Variants in PHLPP1 observed in about 807,000 individuals in gnomAD.
PHLPP1 encodes the protein PH domain and leucine rich repeat protein phosphatase 1.
In PHLPP1, 42 loss-of-function variants were observed where a neutral mutation model predicts 117.2. The ratio of observed to expected loss-of-function variants is 0.36; its 90% CI spans 0.28 to 0.46. The LOEUF (loss-of-function observed/expected upper bound fraction) is 0.46, where lower values mean the gene tolerates loss of function less well. PHLPP1 is among the 20% of genes least tolerant of loss of function. PHLPP1 has a pLI of 1.00. For missense variants in PHLPP1, 2,084 were observed against 2,241.9 expected (o/e 0.93, Z 1.42); for synonymous variants, 1,042 against 970.7 (o/e 1.07, Z -1.37).
chr18:62,873,000 A>G (rs974811383), intron 4 of PHLPP1, among the ~76,000 whole-genome samples: 3 of 147,852 alleles, frequency 2.0e-5, no homozygotes, highest in Non-Finnish European at 4.5e-5. Context: ...AAAAAAAAAA[A>G]AAAAAAAGAA....
chr18:62,855,727 A>G (rs766556835), intron 3 of PHLPP1, among the ~76,000 whole-genome samples: 14 of 152,242 alleles, frequency 9.2e-5, no homozygotes, highest in Non-Finnish European at 4.4e-5. Context: ...AAGGAAGCCA[A>G]TACAACTTGA....
At chr18:62,838,217 A>G (rs1914960578) in intron 2 of PHLPP1, 1 of 152,102 alleles carries the variant, frequency 6.6e-6, no homozygotes, top group Admixed American at 6.6e-5. Flanking sequence ...GAAGTTTGTT[A>G]TTAAGTTTCC....
chr18:62,888,794 C>CT (rs1468212510), intron 4 of PHLPP1, among the ~76,000 whole-genome samples: 1 of 152,218 alleles, frequency 6.6e-6, no homozygotes, highest in African/African-American at 2.4e-5. Flanking sequence ...GATTTCTAGA[C>CT]TTTTCCTCCA....
chr18:62,936,950 G>A (rs886825109), intron 10 of PHLPP1, among the ~76,000 whole-genome samples: 13 of 152,172 alleles, frequency 8.5e-5, no homozygotes, highest in Non-Finnish European at 1.6e-4. Flanking sequence ...GAAATCAGAG[G>A]GTTGCCTAAA....
chr18:62,847,655 T>A (rs945647657), intron 3 of PHLPP1, among the ~76,000 whole-genome samples: 17 of 152,186 alleles, frequency 1.1e-4, no homozygotes, highest in African/African-American at 4.1e-4. Context: ...TCTAAAATAA[T>A]TGTGCTACCA....
intron 3 of PHLPP1, among the ~76,000 whole-genome samples, chr18:62,841,412 A>G (rs1003983293): frequency 2.7e-5 from 4 of 145,590 alleles, no homozygotes; most frequent in Non-Finnish European, 4.5e-5. Flanking sequence ...GGCTCACTGC[A>G]ACCTATGCCT....
At chr18:62,750,716 TG>T (rs1311139591) in intron 1 of PHLPP1, among the ~76,000 whole-genome samples, 3 of 151,170 alleles carry the variant, frequency 2.0e-5, no homozygotes, top group African/African-American at 4.8e-5. Flanking sequence ...ATTTCCTAGT[TG>T]TTTTTTTTTT....
At chr18:62,871,414 G>T (rs1469073129) in intron 4 of PHLPP1, among the ~76,000 whole-genome samples, 3 of 150,976 alleles carry the variant, frequency 2.0e-5, no homozygotes, top group Admixed American at 1.3e-4. Context: ...TGCAACCTCT[G>T]CCTCCTGGGT....
At chr18:62,742,717 A>G (rs907994198) in intron 1 of PHLPP1, among the ~76,000 whole-genome samples, 1 of 152,206 alleles carries the variant, frequency 6.6e-6, no homozygotes, top group Non-Finnish European at 1.5e-5. Context: ...TACAGGTGTG[A>G]ACCACTGCAG....
chr18:62,736,144 T>C (rs1911362933), intron 1 of PHLPP1, among the ~76,000 whole-genome samples: 1 of 152,142 alleles, frequency 6.6e-6, no homozygotes, highest in Non-Finnish European at 1.5e-5. Context: ...GATGGTTAGC[T>C]GGCCTCTGCT....
intron 1 of PHLPP1, among the ~76,000 whole-genome samples, chr18:62,729,266 G>T (rs17070312): frequency 0.19 from 28,346 of 152,168 alleles, 4,566 homozygotes; most frequent in African/African-American, 0.44. Context: ...AAGATTCTGT[G>T]TGTTGGACAA....
chr18:62,851,689 G>A (rs568231189), intron 3 of PHLPP1, among the ~76,000 whole-genome samples: 104 of 152,156 alleles, frequency 6.8e-4, no homozygotes, highest in African/African-American at 2.4e-3. Flanking sequence ...TCAAACTCCT[G>A]ACCTCATGAT....
At chr18:62,945,745 C>T (rs1910264440) in intron 12 of PHLPP1, among the ~76,000 whole-genome samples, 1 of 152,226 alleles carries the variant, frequency 6.6e-6, no homozygotes, top group Non-Finnish European at 1.5e-5. Context: ...GACAGAGCAT[C>T]ATTGCTGTCA....
At chr18:62,775,020 C>G in intron 1 of PHLPP1, among the ~76,000 whole-genome samples, 1 of 152,152 alleles carries the variant, frequency 6.6e-6, no homozygotes, top group East Asian at 1.9e-4. Flanking sequence ...GTCCACCTTC[C>G]AACCCTACTA....
intron 4 of PHLPP1, among the ~76,000 whole-genome samples, chr18:62,869,911 G>A (rs567566893): frequency 2.0e-5 from 3 of 152,116 alleles, no homozygotes; most frequent in East Asian, 1.9e-4. Flanking sequence ...ATTTTAAGAC[G>A]GGCTCTTGCT....
chr18:62,978,134 C>T lies in PHLPP1; in HGVS notation c.3985-128C>T. On this transcript the variant is annotated intron_variant, in intron 16 of 16. Transcript: ENST00000262719. This position sits in a 1 kb window ranked among gnomAD's most constrained non-coding sequence, Gnocchi z 7.0. ...TCACTACAGAGTGAGCCCTTCTTTC[C>T]TCTGTGGGCCACACAGCACTTCTCT... The T allele has an allele frequency of 1.6e-6, 1 of 611,744 alleles. No homozygotes were observed. Among genetic ancestry groups the T allele is most frequent in the East Asian group, 2.8e-5 (1 of 36,210 alleles). 37.9% of individuals were successfully genotyped at this position (611,744 alleles called of 1,614,324 possible).
Position 62,738,307 on chromosome 18 carries a change from G to A in PHLPP1, c.1576+21048G>A, listed in dbSNP as rs568339702. 7.9e-5 allele frequency among the ~76,000 whole-genome samples: 12 copies of A among 152,222 alleles called. No homozygotes were observed. The South Asian group carries it at 2.3e-3, about 29-fold the overall frequency. ...GGAGGCCGAGCCTGCAGTGAGTTGT[G>A]ATGGTGCCACTGCACTGCAGCCTGG... On this transcript the variant is annotated intron_variant, in intron 1 of 16. Transcript: ENST00000262719.
intron 10 of PHLPP1, among the ~76,000 whole-genome samples, chr18:62,938,148 T>C (rs936307447): frequency 3.3e-5 from 5 of 152,248 alleles, no homozygotes; most frequent in Admixed American, 1.3e-4. Flanking sequence ...AAAAATGTTA[T>C]ATGGATGAAG....
intron 1 of PHLPP1, among the ~76,000 whole-genome samples, chr18:62,828,055 C>A (rs536766150): frequency 2.7e-5 from 4 of 148,240 alleles, no homozygotes; most frequent in African/African-American, 7.4e-5. Context: ...TAGATCAGAT[C>A]CCTTTTTAGC....
Sources: gnomAD v4.1 joint callset for allele counts (sites outside exome capture counted in the v4.1 genomes callset) on GRCh38, gnomAD v4.1.1 for gene constraint, Gnocchi (gnomAD v3.1) non-coding constraint, MANE v1.5 for transcripts, NCBI Gene and HGNC (gene_info 2026-07-23, HGNC 2026-07-21) for gene names.